The following WWOX variants were observed in gnomAD, a reference collection of about 807,000 sequenced individuals.
WWOX encodes the protein WW domain-containing oxidoreductase.
WWOX carries 69 observed loss-of-function variants against 46.2 expected under a neutral mutation model. The observed-to-expected ratio is 1.49, with a 90% confidence interval of 1.23 to 1.82. The LOEUF (loss-of-function observed/expected upper bound fraction) is 1.82. Among genes scored for constraint, WWOX ranks in the 40% most tolerant of loss-of-function variants. The pLI, the probability that WWOX is intolerant of heterozygous loss-of-function variation, is 0.00. For missense variants in WWOX, 919 were observed against 542.6 expected (o/e 1.69, Z -6.89); for synonymous variants, 359 against 202.6 (o/e 1.77, Z -6.56).
At position 79,210,298 on chromosome 16, in the gene WWOX, C is replaced by T. The variant is rs140976689; in HGVS notation, c.1057-1310C>T. 1.1e-4 allele frequency among the ~76,000 whole-genome samples: 17 copies of T among 152,306 alleles called. No individual in the cohort carries two copies. In the East Asian group the frequency reaches 3.3e-3, roughly 29 times the overall value. On this transcript the variant is annotated intron_variant, in intron 8 of 8. Coordinates refer to ENST00000566780, the MANE Select transcript of WWOX (RefSeq NM_016373.4). ...ATGGCAGATTCTTCACGTCGTAACACCTTCCTTGGGACCCTATTTCTCAGT... is the reference window on the plus strand; with the variant it reads ...ATGGCAGATTCTTCACGTCGTAACATCTTCCTTGGGACCCTATTTCTCAGT...
chr16:78,250,002 C>G (rs931927545), intron 5 of WWOX, among the ~76,000 whole-genome samples: 1 of 152,188 alleles, frequency 6.6e-6, no homozygotes, highest in Non-Finnish European at 1.5e-5. Context: ...CACAGTGATT[C>G]AAACCCACTC....
intron 8 of WWOX, among the ~76,000 whole-genome samples, chr16:78,529,250 C>T (rs939008617): frequency 1.5e-4 from 23 of 152,054 alleles, no homozygotes; most frequent in African/African-American, 2.9e-4. Flanking sequence ...CTACTGTACC[C>T]GACCAAGAAC....
chr16:78,868,910 CCT>C (rs974766655), intron 8 of WWOX, among the ~76,000 whole-genome samples: 2 of 152,226 alleles, frequency 1.3e-5, no homozygotes, highest in East Asian at 1.9e-4. Context: ...ACTTTTCCCC[CCT>C]TTTTCCATTA....
At chr16:78,651,684 C>T (rs1374981632) in intron 8 of WWOX, among the ~76,000 whole-genome samples, 7 of 152,184 alleles carry the variant, frequency 4.6e-5, no homozygotes, top group African/African-American at 1.4e-4. Context: ...CCCACCTGTG[C>T]AGGTGTTAAG....
chr16:79,064,861 G>C (rs559500906), intron 8 of WWOX, among the ~76,000 whole-genome samples: 1 of 152,292 alleles, frequency 6.6e-6, no homozygotes, highest in Non-Finnish European at 1.5e-5. Flanking sequence ...ATGTTGTGTT[G>C]GAAGAGAGAC....
intron 8 of WWOX, among the ~76,000 whole-genome samples, chr16:78,536,896 C>G (rs2043771306): frequency 6.8e-6 from 1 of 147,632 alleles, no homozygotes; most frequent in African/African-American, 2.5e-5. Flanking sequence ...GTTGCAGAGC[C>G]AAGTCTTTTT....
intron 8 of WWOX, among the ~76,000 whole-genome samples, chr16:78,726,451 T>A (rs1428609933): frequency 6.6e-6 from 1 of 151,876 alleles, no homozygotes; most frequent in Non-Finnish European, 1.5e-5. Context: ...CCAGGCTGGT[T>A]TCAAGCTCCT....
chr16:78,281,730 C>G (rs879872183), intron 5 of WWOX, among the ~76,000 whole-genome samples: 4 of 152,162 alleles, frequency 2.6e-5, no homozygotes, highest in South Asian at 2.1e-4. Flanking sequence ...CTTTCCCCCC[C>G]GCCCCCAACC....
At chr16:78,815,489 C>T (rs1316354211) in intron 8 of WWOX, among the ~76,000 whole-genome samples, 5 of 152,134 alleles carry the variant, frequency 3.3e-5, no homozygotes, top group East Asian at 1.9e-4. Flanking sequence ...TTACGTTACC[C>T]GTTTTGAGTG....
intron 8 of WWOX, among the ~76,000 whole-genome samples, chr16:78,982,881 G>C (rs952235196): frequency 6.6e-6 from 1 of 152,034 alleles, no homozygotes; most frequent in Non-Finnish European, 1.5e-5. Flanking sequence ...ATCAAATTTT[G>C]ATTTCTGTGT....
intron 8 of WWOX, among the ~76,000 whole-genome samples, chr16:78,721,981 G>T (rs1287152496): frequency 6.6e-6 from 1 of 152,248 alleles, no homozygotes; most frequent in East Asian, 1.9e-4. Flanking sequence ...TGTATGTAAA[G>T]TATTAAATTA....
At chr16:78,587,173 A>G (rs1372491578) in intron 8 of WWOX, among the ~76,000 whole-genome samples, 2 of 143,176 alleles carry the variant, frequency 1.4e-5, no homozygotes, top group African/African-American at 2.6e-5. Flanking sequence ...CCACAAGCAG[A>G]TGCCACCATG....
intron 8 of WWOX, among the ~76,000 whole-genome samples, chr16:79,022,502 A>G (rs1453334052): frequency 6.6e-6 from 1 of 152,016 alleles, no homozygotes; most frequent in Non-Finnish European, 1.5e-5. Context: ...GCTGAGTCCC[A>G]TTATATTCCG....
intron 8 of WWOX, among the ~76,000 whole-genome samples, chr16:79,050,452 A>T (rs1393472298): frequency 6.6e-6 from 1 of 152,154 alleles, no homozygotes; most frequent in South Asian, 2.1e-4. Flanking sequence ...AAGGACTTTC[A>T]AGTCTAGACC....
intron 5 of WWOX, among the ~76,000 whole-genome samples, chr16:78,228,069 A>G (rs926820005): frequency 6.6e-6 from 1 of 151,922 alleles, no homozygotes; most frequent in Non-Finnish European, 1.5e-5. Flanking sequence ...GCCCAGGGCT[A>G]TGGGGAGAGG....
At chr16:79,079,380 T>TCCAG (rs1218700871) in intron 8 of WWOX, among the ~76,000 whole-genome samples, 3 of 152,154 alleles carry the variant, frequency 2.0e-5, no homozygotes, top group Admixed American at 6.5e-5. Context: ...GTGTCACCCA[T>TCCAG]CCAGCCAGCC....
rs987181065 is a variant in WWOX at position 78,350,912 on chromosome 16, C to T, written c.517-35948C>T. ...GCAGCCACACCCATCTACATTCTAA[C>T]CAGCAGTGTAGGAAGGTTCCGATTT... On this transcript the variant is annotated intron_variant, in intron 5 of 8. Coordinates refer to ENST00000566780, the MANE Select transcript of WWOX (RefSeq NM_016373.4). Among the ~76,000 whole-genome samples, 2 of 62,604 alleles carry T rather than the reference C, an allele frequency of 3.2e-5. 1 individual carries two copies. The highest frequency in any genetic ancestry group is 9.6e-5 in the Non-Finnish European group (2 of 20,942). The allele number at this position is 62,604 out of a possible 152,430, so 41.1% of individuals were successfully genotyped here.
intron 5 of WWOX, among the ~76,000 whole-genome samples, chr16:78,375,259 C>T (rs1227341751): frequency 2.6e-5 from 4 of 152,324 alleles, no homozygotes; most frequent in Middle Eastern, 3.4e-3. Context: ...AGCACATATC[C>T]GTCACACGCA....
In WWOX at chr16:78,159,278, C is replaced by T. The variant is rs564133961; in HGVS notation, c.410-4905C>T. On this transcript the variant is annotated intron_variant, in intron 4 of 8. Coordinates refer to ENST00000566780, the MANE Select transcript of WWOX (RefSeq NM_016373.4). The stretch of plus-strand genomic sequence containing the variant: ...GCTGCAGTGAACATGAGAGGGCAGA[C>T]ATATTGTTGTGATCCTGATTTGAGT... Among the ~76,000 whole-genome samples the T allele has an allele frequency of 6.6e-5, 10 of 152,208 alleles. 1 individual carries two copies. Among genetic ancestry groups the T allele is most frequent in the African/African-American group, 2.4e-4 (10 of 41,534 alleles).
Sources: gnomAD v4.1 joint callset for allele counts (sites outside exome capture counted in the v4.1 genomes callset) on GRCh38, gnomAD v4.1.1 for gene constraint, MANE v1.5 for transcripts, NCBI Gene and HGNC (gene_info 2026-07-23, HGNC 2026-07-21) for gene names.